TEX38: variants seen among roughly 807,000 people sequenced by gnomAD.
The protein encoded by TEX38 is testis expressed 38.
In TEX38, 5 loss-of-function variants were observed where a neutral mutation model predicts 2.7. The ratio of observed to expected loss-of-function variants is 1.86; its 90% CI spans 0.97 to 3.90. The LOEUF is 3.90. Among genes scored for constraint, TEX38 ranks in the 30% most tolerant of loss-of-function variants. The pLI is 0.00. For synonymous variants in TEX38, 110 were observed against 103.3 expected (o/e 1.06, Z -0.39); for missense variants, 218 against 247.9 (o/e 0.88, Z 0.81).
intron 1 of TEX38, 53 bp from the exon 2 acceptor site, chr1:46,672,820 C>T (rs1676609076): frequency 6.8e-7 from 1 of 1,474,986 alleles, no homozygotes; most frequent in Middle Eastern, 1.8e-4. Flanking sequence ...CAGCTCAGGC[C>T]CCAAGCTACA....
At chr1:46,669,136 G>A (rs1042670235), upstream of TEX38, 2 of 253,154 alleles carry the variant, frequency 7.9e-6, no homozygotes, top group Non-Finnish European at 1.6e-5. Context: ...TAGGGTCAGG[G>A]ACAGTGACAT....
At chr1:46,672,054 TG>T in intron 1 of TEX38, 83 bp downstream of exon 1, 1 of 1,379,090 alleles carries the variant, frequency 7.3e-7, no homozygotes, top group African/African-American at 1.5e-5. Flanking sequence ...TTTGCATGGA[TG>T]GGACAGTGCC....
chr1:46,669,434 T>C (rs917127524), upstream of TEX38: 2 of 455,982 alleles, frequency 4.4e-6, no homozygotes, highest in African/African-American at 4.0e-5. Flanking sequence ...TCTCTGTGGA[T>C]CTGCATGTGG....
chr1:46,670,082 T>A (rs1047356690), upstream of TEX38, among the ~76,000 whole-genome samples: 1 of 152,166 alleles, frequency 6.6e-6, no homozygotes, highest in African/African-American at 2.4e-5. Context: ...TAGGACTTTC[T>A]TGGCTCTAGC....
upstream of TEX38, among the ~76,000 whole-genome samples, chr1:46,670,780 G>C (rs76542945): frequency 0.012 from 1,884 of 152,260 alleles, 34 homozygotes; most frequent in African/African-American, 0.043. Flanking sequence ...GTCACACATT[G>C]GAGGACTATA....
In TEX38 at chr1:46,673,387, C is replaced by T; in HGVS notation, c.552C>T (p.Phe184=). ...CCTGTCCTGAAAGGAATGTTCTCTT[C>T]CATTCCCTCCTGAATCTGGCCCAGG... ...LATCPERNVL[F]HSLLNLAQED... is the part of the protein sequence containing the mutation. The change falls in exon 2 of 2, where the codon TTC becomes TTT. Residue 184 remains phenylalanine, a synonymous_variant. Transcript: ENST00000334122. 1.3e-6 allele frequency: 2 copies of T among 1,551,978 alleles called. No homozygotes were observed. The highest frequency in any genetic ancestry group is 1.7e-6 in the Non-Finnish European group (2 of 1,147,042).
At chr1:46,670,166 C>T (rs1676562919), upstream of TEX38, among the ~76,000 whole-genome samples, 4 of 152,090 alleles carry the variant, frequency 2.6e-5, no homozygotes, top group Non-Finnish European at 4.4e-5. Context: ...CTACAGGGAA[C>T]AGTAATCCAA....
At position 46,673,566 on chromosome 1, in the gene TEX38, C is replaced by A. The variant is rs571477206; in HGVS notation, c.*110C>A. 7.0e-6 allele frequency: 6 copies of A among 857,044 alleles called. No homozygotes were observed. The East Asian group carries it at 1.1e-4, about 16-fold the overall frequency. The allele number at this position is 857,044 out of a possible 1,614,324, so 53.1% of individuals were successfully genotyped here. On this transcript the variant is annotated 3_prime_UTR_variant, in exon 2 of 2. Transcript: ENST00000334122. Reference sequence around the variant, plus strand: ...GGTCAGGACCCACCTGGATGTCATGCTATGAAACATTAAAAGAAAAAAAAA... The same window carrying A: ...GGTCAGGACCCACCTGGATGTCATGATATGAAACATTAAAAGAAAAAAAAA...
At chr1:46,672,289 G>A (rs1171334210) in intron 1 of TEX38, among the ~76,000 whole-genome samples, 3 of 148,190 alleles carry the variant, frequency 2.0e-5, no homozygotes, top group South Asian at 2.1e-4. Flanking sequence ...CTGTTGCCCC[G>A]GCTGGAGTGC....
rs878893673 is a variant in TEX38, at chr1:46,673,052, C to T, written c.217C>T (p.Arg73Trp). The part of the protein sequence containing the change: ...SPLLYWINKR[R>W]RYGMNAAINT... ...ATTGTTGTACTGGATTAACAAGCGA[C>T]GGCGCTACGGCATGAATGCAGCCAT... Residue 73 changes from arginine (R) to tryptophan (W), a missense_variant, in exon 2 of 2, where the codon CGG becomes TGG. Coordinates refer to ENST00000334122, the MANE Select transcript of TEX38 (RefSeq NM_001145474.4). 21 of 1,551,752 alleles carry T rather than the reference C, an allele frequency of 1.4e-5. No homozygotes were observed. The highest frequency in any genetic ancestry group is 5.5e-5 in the African/African-American group (4 of 73,166).
upstream of TEX38, chr1:46,669,458 A>C: frequency 4.4e-6 from 2 of 456,050 alleles, no homozygotes; most frequent in South Asian, 3.1e-5. Flanking sequence ...CCTCCTCATC[A>C]TCTAAGGGCT....
upstream of TEX38, among the ~76,000 whole-genome samples, chr1:46,669,811 G>A (rs1220806423): frequency 6.6e-6 from 1 of 152,154 alleles, no homozygotes; most frequent in Non-Finnish European, 1.5e-5. Flanking sequence ...CTGATGAGGA[G>A]GTTATTGAGT....
In TEX38 at chr1:46,673,571, A is replaced by G; in HGVS notation, c.*115A>G. ...GGACCCACCTGGATGTCATGCTATG[A>G]AACATTAAAAGAAAAAAAAAAAAGT... On this transcript the variant is annotated 3_prime_UTR_variant, in exon 2 of 2. Transcript: ENST00000334122. 2.3e-6 allele frequency: 2 copies of G among 857,758 alleles called. No individual in the cohort carries two copies. The highest frequency in any genetic ancestry group is 3.1e-5 in the South Asian group (1 of 32,646). 53.1% of individuals were successfully genotyped at this position (857,758 alleles called of 1,614,324 possible). A position where few individuals can be genotyped will look rare whatever the true frequency, so the allele number is the denominator to read the frequency against.
chr1:46,672,047 G>A, intron 1 of TEX38, 76 bp downstream of exon 1: 1 of 1,416,890 alleles, frequency 7.1e-7, no homozygotes, highest in Non-Finnish European at 9.4e-7. Flanking sequence ...AAGGCCCTTT[G>A]CATGGATGGG....
At chr1:46,671,554 C>T (rs1317780022), upstream of TEX38, among the ~76,000 whole-genome samples, 3 of 152,156 alleles carry the variant, frequency 2.0e-5, no homozygotes, top group African/African-American at 2.4e-5. Context: ...TCCCATCAAC[C>T]GTTCCCTAAA....
upstream of TEX38, among the ~76,000 whole-genome samples, chr1:46,671,579 G>GT (rs1392678085): frequency 6.6e-6 from 1 of 152,270 alleles, no homozygotes; most frequent in African/African-American, 2.4e-5. Flanking sequence ...AGCAACATCC[G>GT]TAAGTACCTG....
At chr1:46,671,209 C>A (rs1371520470), upstream of TEX38, among the ~76,000 whole-genome samples, 3 of 152,104 alleles carry the variant, frequency 2.0e-5, no homozygotes, top group Non-Finnish European at 4.4e-5. Flanking sequence ...GCAGCATGGG[C>A]ACACCTCCAG....
chr1:46,673,562 C>A lies in TEX38; in HGVS notation c.*106C>A. The A allele has an allele frequency of 6.8e-6, 6 of 881,558 alleles. No homozygotes were observed. Among genetic ancestry groups the A allele is most frequent in the Non-Finnish European group, 9.7e-6 (6 of 621,036 alleles). The allele number at this position is 881,558 out of a possible 1,614,324, so 54.6% of individuals were successfully genotyped here. A position where few individuals can be genotyped will look rare whatever the true frequency, so the allele number is the denominator to read the frequency against. Reference sequence around the variant, plus strand: ...CAGAGGTCAGGACCCACCTGGATGTCATGCTATGAAACATTAAAAGAAAAA... The same window carrying A: ...CAGAGGTCAGGACCCACCTGGATGTAATGCTATGAAACATTAAAAGAAAAA... On this transcript the variant is annotated 3_prime_UTR_variant, in exon 2 of 2. Coordinates refer to ENST00000334122, the MANE Select transcript of TEX38 (RefSeq NM_001145474.4).
chr1:46,669,198 G>A, upstream of TEX38: 1 of 315,236 alleles, frequency 3.2e-6, no homozygotes, highest in Non-Finnish European at 6.4e-6. Context: ...CCTGGAGTGG[G>A]CTCTCTGGGA....
Sources: allele counts gnomAD v4.1 joint callset (sites outside exome capture counted in the v4.1 genomes callset), GRCh38; gene constraint gnomAD v4.1.1; transcripts MANE v1.5; gene names NCBI Gene and HGNC (gene_info 2026-07-23, HGNC 2026-07-21).